The following FSTL5 variants were observed in gnomAD, a reference collection of about 807,000 sequenced individuals.
FSTL5 encodes the protein follistatin-related protein 5.
Under a neutral mutation model 89.1 loss-of-function variants are expected in FSTL5, and 62 were observed. The ratio of observed to expected loss-of-function variants is 0.70; its 90% CI spans 0.57 to 0.86. The LOEUF is 0.86. Ranked by LOEUF, FSTL5 falls within the 40% of genes least tolerant of loss-of-function variation. The pLI is 0.00. For synonymous variants in FSTL5, 383 were observed against 346.2 expected, an observed-to-expected ratio of 1.11 and a Z score of -1.18; for missense variants, 1,057 against 1,001.6, an observed-to-expected ratio of 1.06 and a Z score of -0.75.
At chr4:161,659,986 C>T (rs1348333554) in intron 6 of FSTL5, among the ~76,000 whole-genome samples, 1 of 152,136 alleles carries the variant, frequency 6.6e-6, no homozygotes, top group Non-Finnish European at 1.5e-5. Flanking sequence ...TCCAGAGTCA[C>T]CTGGTGCCCT....
intron 1 of FSTL5, among the ~76,000 whole-genome samples, chr4:162,157,271 A>G (rs7688371): frequency 0.58 from 87,905 of 151,898 alleles, 25,464 homozygotes; most frequent in Admixed American, 0.62. Flanking sequence ...AAATTTTTAG[A>G]CCAAAGTAAA....
chr4:161,786,918 CT>C (rs1371958917), intron 4 of FSTL5, among the ~76,000 whole-genome samples: 4 of 152,030 alleles, frequency 2.6e-5, no homozygotes, highest in Non-Finnish European at 5.9e-5. Context: ...GCATATTTGA[CT>C]TTTTTTATTC....
Position 161,726,291 on chromosome 4 carries a change from A to G in FSTL5, c.727+33120T>C, listed in dbSNP as rs370686155. Among the ~76,000 whole-genome samples, 27 of 139,544 alleles carry G rather than the reference A, an allele frequency of 1.9e-4. No homozygotes were observed. In the South Asian group the frequency reaches 4.5e-3, roughly 23 times the overall value. The allele number at this position is 139,544 out of a possible 152,430, so 91.5% of individuals were successfully genotyped here. On this transcript the variant is annotated intron_variant, in intron 6 of 15. Coordinates refer to ENST00000306100, the MANE Select transcript of FSTL5 (RefSeq NM_020116.5). Reference sequence around the variant, plus strand: ...ACCCAGGCTGGAGTGCAGTGGCAAGATCTCGGCTCACTGCTACCTCCGCCT... The same window carrying G: ...ACCCAGGCTGGAGTGCAGTGGCAAGGTCTCGGCTCACTGCTACCTCCGCCT...
chr4:161,746,152 T>G (rs1740195706), intron 6 of FSTL5, among the ~76,000 whole-genome samples: 1 of 152,204 alleles, frequency 6.6e-6, no homozygotes, highest in East Asian at 1.9e-4. Flanking sequence ...TTTTTTTTTT[T>G]AATTTGAGGT....
chr4:161,874,478 C>G (rs1046595503), intron 4 of FSTL5, among the ~76,000 whole-genome samples: 4 of 151,546 alleles, frequency 2.6e-5, no homozygotes, highest in Non-Finnish European at 5.9e-5. Context: ...TCTTGCTTTT[C>G]CTAAATTCTG....
At chr4:162,009,641 A>G (rs1736704042) in intron 3 of FSTL5, among the ~76,000 whole-genome samples, 1 of 152,100 alleles carries the variant, frequency 6.6e-6, no homozygotes, top group Non-Finnish European at 1.5e-5. Flanking sequence ...TAACACTTAA[A>G]GGTATTAACT....
chr4:161,795,412 G>A (rs1729603933), intron 4 of FSTL5, among the ~76,000 whole-genome samples: 1 of 152,088 alleles, frequency 6.6e-6, no homozygotes, highest in Admixed American at 6.5e-5. Flanking sequence ...CACTTCATGA[G>A]AGGAAGGCCC....
At chr4:161,987,613 T>C (rs993674932) in intron 3 of FSTL5, among the ~76,000 whole-genome samples, 8 of 147,544 alleles carry the variant, frequency 5.4e-5, no homozygotes, top group African/African-American at 2.0e-4. Context: ...GAAATATATA[T>C]AATAAATGTA....
At chr4:161,483,743 G>T (rs540954616) in intron 12 of FSTL5, among the ~76,000 whole-genome samples, 1 of 152,076 alleles carries the variant, frequency 6.6e-6, no homozygotes, top group East Asian at 1.9e-4. Context: ...GATTTAATGG[G>T]CCAAAAAGGA....
At chr4:161,721,960 G>A (rs6816056) in intron 6 of FSTL5, among the ~76,000 whole-genome samples, 1,546 of 152,224 alleles carry the variant, frequency 0.01, 19 homozygotes, top group African/African-American at 0.036. Flanking sequence ...ATTGTAAAAT[G>A]ACACAAAGGC....
chr4:162,146,703 C>G (rs1733006701), intron 1 of FSTL5, among the ~76,000 whole-genome samples: 1 of 73,624 alleles, frequency 1.4e-5, no homozygotes. Flanking sequence ...CCCTTCCCTT[C>G]CCTTCCCCTT....
intron 12 of FSTL5, among the ~76,000 whole-genome samples, chr4:161,485,770 T>C (rs1241333355): frequency 6.6e-6 from 1 of 152,116 alleles, no homozygotes; most frequent in Admixed American, 6.5e-5. Flanking sequence ...AAATATCTTG[T>C]CTTTTAGAAA....
intron 4 of FSTL5, among the ~76,000 whole-genome samples, chr4:161,806,400 A>C (rs1292343794): frequency 6.6e-6 from 1 of 152,118 alleles, no homozygotes; most frequent in African/African-American, 2.4e-5. Context: ...CAAGCACTCT[A>C]ATAAGGATCA....
chr4:161,464,574 G>A (rs1242570861), intron 13 of FSTL5, among the ~76,000 whole-genome samples: 1 of 151,996 alleles, frequency 6.6e-6, no homozygotes, highest in African/African-American at 2.4e-5. Context: ...CTTATTGTCT[G>A]CCTCATCTAA....
At chr4:161,900,975 T>C (rs1327031830) in intron 4 of FSTL5, among the ~76,000 whole-genome samples, 3 of 152,186 alleles carry the variant, frequency 2.0e-5, no homozygotes, top group African/African-American at 7.2e-5. Context: ...TATTTAACTC[T>C]AGTAAACTCG....
At chr4:161,834,540 T>A (rs1730967839) in intron 4 of FSTL5, among the ~76,000 whole-genome samples, 2 of 152,126 alleles carry the variant, frequency 1.3e-5, no homozygotes, top group African/African-American at 4.8e-5. Flanking sequence ...CATGATTGTA[T>A]ATCTAGAAAA....
At chr4:162,112,020 G>A (rs967430676) in intron 1 of FSTL5, among the ~76,000 whole-genome samples, 2 of 152,140 alleles carry the variant, frequency 1.3e-5, no homozygotes, top group African/African-American at 4.8e-5. Context: ...AAAGTTTTAT[G>A]TCTACTTCAG....
intron 3 of FSTL5, among the ~76,000 whole-genome samples, chr4:161,936,938 C>T (rs1734450397): frequency 6.6e-6 from 1 of 152,138 alleles, no homozygotes; most frequent in African/African-American, 2.4e-5. Context: ...TCACCCAGGT[C>T]ACTCACAGGA....
intron 1 of FSTL5, among the ~76,000 whole-genome samples, chr4:162,162,270 T>G (rs1733725140): frequency 6.6e-6 from 1 of 152,178 alleles, no homozygotes; most frequent in Non-Finnish European, 1.5e-5. Flanking sequence ...AAATTTTATA[T>G]TTTAAAATAT....
Sources: gnomAD v4.1 joint callset for allele counts (sites outside exome capture counted in the v4.1 genomes callset) on GRCh38, gnomAD v4.1.1 for gene constraint, MANE v1.5 for transcripts, NCBI Gene and HGNC (gene_info 2026-07-23, HGNC 2026-07-21) for gene names.